PICK1: variants seen among roughly 807,000 people sequenced by gnomAD.
PICK1 encodes protein interacting with PRKCA 1, also known as PRKCA-binding protein.
A neutral mutation model predicts 48.9 loss-of-function variants in PICK1; 23 were observed. That is an observed-to-expected ratio of 0.47 (90% CI 0.34 to 0.67). The LOEUF is 0.67. Ranked by LOEUF, PICK1 falls within the 30% of genes least tolerant of loss-of-function variation. The pLI is 0.01. For synonymous variants in PICK1, 217 were observed against 228.2 expected (o/e 0.95, Z 0.44); for missense variants, 423 against 557.1 (o/e 0.76, Z 2.42).
rs948552385 is a variant in PICK1, at chr22:38,075,620, C to G, written c.*488C>G. ...CACACCTCGGCGGCCTTTATTTATT[C>G]TGTTCCCCCAGCTCGGCCACTTCTC... On this transcript the variant is annotated 3_prime_UTR_variant, in exon 13 of 13. Transcript: ENST00000356976. 6.3e-6 allele frequency: 1 copy of G among 158,754 alleles called. No homozygotes were observed. Among genetic ancestry groups the G allele is most frequent in the African/African-American group, 2.4e-5 (1 of 41,556 alleles). 9.8% of individuals were successfully genotyped at this position (158,754 alleles called of 1,614,324 possible). A position where few individuals can be genotyped will look rare whatever the true frequency, so the allele number is the denominator to read the frequency against.
intron 3 of PICK1, among the ~76,000 whole-genome samples, chr22:38,062,569 C>A (rs894192319): frequency 9.9e-5 from 15 of 152,066 alleles, no homozygotes; most frequent in Non-Finnish European, 4.4e-5. Context: ...AGTCTGTTTT[C>A]CGCCCTGTAG....
intron 5 of PICK1, chr22:38,068,144 G>A (rs752412494): frequency 1.2e-4 from 57 of 473,988 alleles, no homozygotes; most frequent in South Asian, 7.0e-4. Flanking sequence ...CTGGCCTGGC[G>A]CCTCATGCCC....
intron 5 of PICK1, 137 bp from the exon 6 acceptor site, chr22:38,068,896 A>G: frequency 1.4e-6 from 1 of 734,664 alleles, no homozygotes; most frequent in Non-Finnish European, 2.4e-6. Context: ...TCCCCACTGG[A>G]CATTCCCCAC....
intron 6 of PICK1, 104 bp from the exon 7 acceptor site, chr22:38,070,734 T>G: frequency 1.0e-6 from 1 of 954,292 alleles, no homozygotes; most frequent in Admixed American, 1.8e-5. Flanking sequence ...ATCTTTCCCT[T>G]CCTGGTTCTC....
At chr22:38,068,616 G>A (rs1358493879) in intron 5 of PICK1, among the ~76,000 whole-genome samples, 1 of 152,166 alleles carries the variant, frequency 6.6e-6, no homozygotes, top group African/African-American at 2.4e-5. Flanking sequence ...CATGGTCATT[G>A]ATGGTGCCCA....
At chr22:38,069,743 T>C (rs1361369335) in intron 6 of PICK1, among the ~76,000 whole-genome samples, 2 of 151,858 alleles carry the variant, frequency 1.3e-5, no homozygotes, top group Non-Finnish European at 2.9e-5. Flanking sequence ...GAAGTGGGGG[T>C]GGGGACTGAG....
In PICK1 at chr22:38,074,290, T is replaced by TGG; in HGVS notation, c.835-17_835-16insGG. On this transcript the variant is annotated splice_polypyrimidine_tract_variant and intron_variant, in intron 11 of 12. Coordinates refer to ENST00000356976, the MANE Select transcript of PICK1 (RefSeq NM_012407.4). This position sits in a 1 kb window ranked among gnomAD's most constrained non-coding sequence, Gnocchi z 4.5. The stretch of plus-strand genomic sequence containing the variant: ...GGCCGTCCCTGAGCAGGCACTCCTG[T>TGG]CCCACCCCCGCCCCAGGCCCTAGGC... 1.3e-6 allele frequency: 2 copies of TGG among 1,588,284 alleles called. No individual in the cohort carries two copies. Among genetic ancestry groups the TGG allele is most frequent in the Non-Finnish European group, 1.7e-6 (2 of 1,158,164 alleles).
Position 38,072,459 on chromosome 22 carries a change from G to A in PICK1, c.557-18G>A. 1 of 1,610,388 alleles carries A rather than the reference G, an allele frequency of 6.2e-7. No homozygotes were observed. The highest frequency in any genetic ancestry group is 1.1e-5 in the South Asian group (1 of 91,032). On this transcript the variant is annotated intron_variant, in intron 8 of 12. Transcript: ENST00000356976. ...GGGGCCAAGTAGGGGCAGCCTTCAA[G>A]GCAAACTTGTCCTGCAGCCTTTGGG...
chr22:38,075,156 G>C lies in PICK1; in HGVS notation c.*24G>C, dbSNP rs775779946. 2.5e-6 allele frequency: 4 copies of C among 1,600,502 alleles called. No homozygotes were observed. The South Asian group carries it at 3.3e-5, about 13-fold the overall frequency. On this transcript the variant is annotated 3_prime_UTR_variant, in exon 13 of 13. Transcript: ENST00000356976. The stretch of plus-strand genomic sequence containing the variant: ...GAGTGCCCCGCGGCTGTGGTGCCGG[G>C]GGCAGGGTGCGTGGGAGGACGGAGC...
Position 38,073,049 on chromosome 22 carries a change from G to A in PICK1, c.740G>A (p.Arg247His), listed in dbSNP as rs376594572. 7 of 1,613,690 alleles carry A rather than the reference G, an allele frequency of 4.3e-6. No individual in the cohort carries two copies. Among genetic ancestry groups the A allele is most frequent in the South Asian group, 3.3e-5 (3 of 91,096 alleles). Residue 247 changes from arginine to histidine, a missense_variant, in exon 10 of 13, where the codon CGC becomes CAC. Around this residue, in one of 2 missense-constraint regions of PICK1, gnomAD observed 279 missense variants for 417.8 expected, o/e 0.67. Coordinates refer to ENST00000356976, the MANE Select transcript of PICK1 (RefSeq NM_012407.4). The surrounding 1 kb of genome is among the most constrained non-coding windows in gnomAD (Gnocchi z 5.7). ...TYLNKAIPDT[R>H]LTIKKYLDVK... ...CTCAACAAAGCCATCCCGGACACTCGCCTCACCATCAAGAAGTACCTGGAC... is the reference window on the plus strand; with the variant it reads ...CTCAACAAAGCCATCCCGGACACTCACCTCACCATCAAGAAGTACCTGGAC...
chr22:38,066,215 C>T lies in PICK1; in HGVS notation c.282+1085C>T, dbSNP rs2085520671. ...TTGAGACCCCACAGCTGCCACTCCA[C>T]GTGGTCTGGGTATCACTGCCTCAGG... is the stretch of plus-strand genomic sequence containing the variant. On this transcript the variant is annotated intron_variant, in intron 4 of 12. Coordinates refer to ENST00000356976, the MANE Select transcript of PICK1 (RefSeq NM_012407.4). This position sits in a 1 kb window ranked among gnomAD's most constrained non-coding sequence, Gnocchi z 4.1. Among the ~76,000 whole-genome samples, 1 of 152,198 alleles carries T rather than the reference C, an allele frequency of 6.6e-6. No individual in the cohort carries two copies. The highest frequency in any genetic ancestry group is 2.1e-4 in the South Asian group (1 of 4,832).
chr22:38,067,387 G>GCAA lies in PICK1; in HGVS notation c.283-315_283-313dup, dbSNP rs1270898644. 4 of 354,078 alleles carry GCAA rather than the reference G, an allele frequency of 1.1e-5. No individual in the cohort carries two copies. In the East Asian group the frequency reaches 2.9e-4, roughly 25 times the overall value. The allele number at this position is 354,078 out of a possible 1,614,324, so 21.9% of individuals were successfully genotyped here. A position where few individuals can be genotyped will look rare whatever the true frequency, so the allele number is the denominator to read the frequency against. ...TGCAATGGTGTGATCTCAGCTCACT[G>GCAA]CAACCTCCGCCTCCCAGGTTCAAGT... is the stretch of plus-strand genomic sequence containing the variant. On this transcript the variant is annotated intron_variant, in intron 4 of 12. Coordinates refer to ENST00000356976, the MANE Select transcript of PICK1 (RefSeq NM_012407.4).
At chr22:38,065,544 A>G (rs2085504115) in intron 4 of PICK1, among the ~76,000 whole-genome samples, 2 of 152,140 alleles carry the variant, frequency 1.3e-5, no homozygotes, top group Non-Finnish European at 1.5e-5. Flanking sequence ...GAGGGCTAGG[A>G]GGGAAAGAAG....
chr22:38,071,543 G>C (rs2085693124), intron 7 of PICK1, 139 bp from the exon 8 acceptor site: 1 of 807,746 alleles, frequency 1.2e-6, no homozygotes, highest in African/African-American at 1.7e-5. Flanking sequence ...CCCCTGGGCT[G>C]TGGTTGGGCG....
Position 38,073,736 on chromosome 22 carries a change from T to C in PICK1, c.784-37T>C. ...TGGAGCTGGGGACCTGGGGTGGGGG[T>C]AGTAGCCACTCTGACAGCCTCACCT... On this transcript the variant is annotated intron_variant, in intron 10 of 12. Transcript: ENST00000356976. The surrounding 1 kb of genome is among the most constrained non-coding windows in gnomAD (Gnocchi z 5.7). 6.3e-7 allele frequency: 1 copy of C among 1,597,520 alleles called. No individual in the cohort carries two copies. The highest frequency in any genetic ancestry group is 8.6e-7 in the Non-Finnish European group (1 of 1,166,706).
At position 38,059,309 on chromosome 22, in the gene PICK1, A is replaced by G. The variant is rs1385637475; in HGVS notation, c.117A>G (p.Gly39=). ...AQNLIGISIG[G]GAQYCPCLYI... is the part of the protein sequence containing the mutation. ...ACCTGATCGGGATCAGCATTGGAGG[A>G]GGGGCCCAGTACTGTCCCTGCCTCT... is the stretch of plus-strand genomic sequence containing the variant. Residue 39 remains glycine, a synonymous_variant, in exon 3 of 13, where the codon GGA becomes GGG. Coordinates refer to ENST00000356976, the MANE Select transcript of PICK1 (RefSeq NM_012407.4). 8.3e-6 allele frequency: 13 copies of G among 1,569,740 alleles called. No homozygotes were observed. The highest frequency in any genetic ancestry group is 1.0e-5 in the Non-Finnish European group (12 of 1,156,794).
intron 2 of PICK1, chr22:38,058,052 A>G: frequency 3.1e-6 from 2 of 639,328 alleles, no homozygotes; most frequent in Non-Finnish European, 5.7e-6. Flanking sequence ...GCTCAGTGCC[A>G]TAAGGGCACT....
Position 38,066,772 on chromosome 22 carries a change from A to C in PICK1, c.283-932A>C, listed in dbSNP as rs1363096448. Among the ~76,000 whole-genome samples, 1 of 152,220 alleles carries C rather than the reference A, an allele frequency of 6.6e-6. No individual in the cohort carries two copies. Among genetic ancestry groups the C allele is most frequent in the African/African-American group, 2.4e-5 (1 of 41,454 alleles). On this transcript the variant is annotated intron_variant, in intron 4 of 12. Coordinates refer to ENST00000356976, the MANE Select transcript of PICK1 (RefSeq NM_012407.4). This position sits in a 1 kb window ranked among gnomAD's most constrained non-coding sequence, Gnocchi z 4.1. ...AAAATCCTGTTTTATATTTGGATGA[A>C]TGTGGTCCCAAGTTCAAGGGCTTTT...
chr22:38,074,294 A>ACCCCCC lies in PICK1; in HGVS notation c.835-8_835-7insCCCCCC. 1 of 1,574,550 alleles carries ACCCCCC rather than the reference A, an allele frequency of 6.4e-7. No individual in the cohort carries two copies. The highest frequency in any genetic ancestry group is 1.7e-5 in the Admixed American group (1 of 59,538). ...GTCCCTGAGCAGGCACTCCTGTCCCACCCCCGCCCCAGGCCCTAGGCGAGC... is the reference window on the plus strand; with the variant it reads ...GTCCCTGAGCAGGCACTCCTGTCCCACCCCCCCCCCCGCCCCAGGCCCTAGGCGAGC... On this transcript the variant is annotated splice_polypyrimidine_tract_variant and intron_variant, in intron 11 of 12. Transcript: ENST00000356976. The surrounding 1 kb of genome is among the most constrained non-coding windows in gnomAD (Gnocchi z 4.5).
Sources: gnomAD v4.1 joint callset for allele counts (sites outside exome capture counted in the v4.1 genomes callset) on GRCh38, gnomAD v4.1.1 for gene constraint, gnomAD v4.1.1 regional missense constraint, Gnocchi (gnomAD v3.1) non-coding constraint, MANE v1.5 for transcripts, NCBI Gene and HGNC (gene_info 2026-07-23, HGNC 2026-07-21) for gene names.